The following IL37 variants were observed in gnomAD, a reference collection of about 807,000 sequenced individuals.
IL37 encodes interleukin 37.
In IL37, 15 loss-of-function variants were observed where a neutral mutation model predicts 15.4. The observed-to-expected ratio is 0.98, with a 90% CI of 0.65 to 1.50. IL37 has a LOEUF of 1.50. IL37 is among the 40% of genes most tolerant of loss of function. The pLI, the probability that IL37 is intolerant of heterozygous loss-of-function variation, is 0.00. For synonymous variants in IL37, 98 were observed against 97.4 expected (o/e 1.01, Z -0.03); for missense variants, 269 against 261.7 (o/e 1.03, Z -0.19).
intron 3 of IL37, among the ~76,000 whole-genome samples, chr2:112,914,086 C>A (rs1322950059): frequency 6.6e-6 from 1 of 152,146 alleles, no homozygotes; most frequent in African/African-American, 2.4e-5. Context: ...AGGCACAGGG[C>A]AAGGAAGAGT....
intron 3 of IL37, among the ~76,000 whole-genome samples, chr2:112,916,476 G>A (rs1013479706): frequency 7.2e-5 from 11 of 152,140 alleles, no homozygotes; most frequent in African/African-American, 2.7e-4. Flanking sequence ...GCTAGAAGTT[G>A]TTCCTCCAGG....
chr2:112,915,106 T>G, intron 3 of IL37: 312 of 1,277,358 alleles, frequency 2.4e-4, no homozygotes, highest in Non-Finnish European at 3.2e-4. Flanking sequence ...AGAGTGGCCT[T>G]GAGAAAGATT....
intron 2 of IL37, 142 bp downstream of exon 2, chr2:112,913,236 A>G: frequency 1.9e-6 from 1 of 526,360 alleles, no homozygotes; most frequent in African/African-American, 2.0e-5. Flanking sequence ...ACAAATAACT[A>G]GACAAGAGAA....
chr2:112,917,716 G>A lies in IL37; in HGVS notation c.347G>A (p.Gly116Glu). Residue 116 changes from glycine to glutamate, a missense_variant, in exon 5 of 6, where the codon GGG (glycine) becomes GAG (glutamate). Coordinates refer to ENST00000263326, the MANE Select transcript of IL37 (RefSeq NM_014439.4). ...CCGATTCTCCTGGGGGTCTCTAAAG[G>A]GGAGTTTTGTCTCTACTGTGACAAG... ...GSPILLGVSK[G>E]EFCLYCDKDK... 1 of 1,613,924 alleles carries A rather than the reference G, an allele frequency of 6.2e-7. No individual in the cohort carries two copies. Among genetic ancestry groups the A allele is most frequent in the African/African-American group, 1.3e-5 (1 of 75,028 alleles).
intron 3 of IL37, 40 bp downstream of exon 3, chr2:112,913,894 C>T (rs879384234): frequency 7.3e-6 from 11 of 1,512,780 alleles, no homozygotes; most frequent in Non-Finnish European, 1.0e-5. Flanking sequence ...GGCTGAGGTG[C>T]GAGGGTGGGG....
Position 112,917,777 on chromosome 2 carries a change from G to A in IL37, c.408G>A (p.Lys136=), listed in dbSNP as rs138939950. The A allele has an allele frequency of 3.2e-4, 522 of 1,614,102 alleles. 1 individual carries two copies. In the African/African-American group the frequency reaches 5.9e-3, roughly 18 times the overall value. ...AAAGTCATCCATCCCTTCAGCTGAA[G>A]GTGAGAGTTCTAGCTCAGTTTCCTG... The part of the protein sequence containing the change: ...KGQSHPSLQL[K]KEKLMKLAAQ... The change falls in exon 5 of 6, where the codon AAG becomes AAA. Residue 136 remains lysine (K), a splice_region_variant and synonymous_variant. Transcript: ENST00000263326.
Position 112,917,258 on chromosome 2 carries a change from A to C in IL37, c.265+10A>C, listed in dbSNP as rs139354551. ...AACTACATACGCCCAGGTGACTCTCAGTTTTGGCTGTGTTTTCTGCCTCCA... is the reference window on the plus strand; with the variant it reads ...AACTACATACGCCCAGGTGACTCTCCGTTTTGGCTGTGTTTTCTGCCTCCA... On this transcript the variant is annotated intron_variant, in intron 4 of 5. Transcript: ENST00000263326. 2.0e-3 allele frequency: 3,229 copies of C among 1,613,132 alleles called. 3 individuals carry two copies. The highest frequency in any genetic ancestry group is 2.4e-3 in the Non-Finnish European group (2,845 of 1,179,358).
intron 3 of IL37, among the ~76,000 whole-genome samples, chr2:112,916,844 A>G (rs952739178): frequency 6.6e-6 from 1 of 152,196 alleles, no homozygotes; most frequent in Non-Finnish European, 1.5e-5. Flanking sequence ...ACAGATGAGG[A>G]CATTGAGGTT....
Position 112,913,718 on chromosome 2 carries a change from A to T in IL37, c.83-74A>T, listed in dbSNP as rs1573311306. 3.5e-6 allele frequency: 4 copies of T among 1,159,408 alleles called. No homozygotes were observed. The East Asian group carries it at 9.4e-5, about 27-fold the overall frequency. The allele number at this position is 1,159,408 out of a possible 1,614,324, so 71.8% of individuals were successfully genotyped here. On this transcript the variant is annotated intron_variant, in intron 2 of 5. Coordinates refer to ENST00000263326, the MANE Select transcript of IL37 (RefSeq NM_014439.4). The stretch of plus-strand genomic sequence containing the variant: ...CAGCACATACACAGAAGAGGGAATT[A>T]AATGGTCTTTGATACCCCTAAATCC...
Position 112,917,649 on chromosome 2 carries a change from T to C in IL37, c.280T>C (p.Leu94=). 1 of 1,589,170 alleles carries C rather than the reference T, an allele frequency of 6.3e-7. No individual in the cohort carries two copies. The highest frequency in any genetic ancestry group is 8.6e-7 in the Non-Finnish European group (1 of 1,169,454). ...NYIRPEIFFA[L]ASSLSSASAE... ...TCTTTTTCCAGAGATCTTCTTTGCA[T>C]TAGCCTCATCCTTGAGCTCAGCCTC... Residue 94 remains leucine, a synonymous_variant, in exon 5 of 6, where the codon TTA becomes CTA. Transcript: ENST00000263326.
intron 5 of IL37, 131 bp downstream of exon 5, chr2:112,917,908 G>A: frequency 1.1e-6 from 1 of 944,568 alleles, no homozygotes; most frequent in Non-Finnish European, 1.6e-6. Context: ...CTTTCTGGAA[G>A]CACCAGGCAG....
chr2:112,918,031 C>T (rs1162008904), intron 5 of IL37, among the ~76,000 whole-genome samples: 1 of 152,206 alleles, frequency 6.6e-6, no homozygotes, highest in Non-Finnish European at 1.5e-5. Flanking sequence ...CTCCTGGGCT[C>T]ACTGGTCCTG....
intron 3 of IL37, among the ~76,000 whole-genome samples, chr2:112,914,922 C>T (rs1307035503): frequency 6.6e-6 from 1 of 152,200 alleles, no homozygotes; most frequent in Admixed American, 6.5e-5. Context: ...CTAGGGGCTG[C>T]TTTAACAAGA....
intron 2 of IL37, among the ~76,000 whole-genome samples, 163 bp downstream of exon 2, chr2:112,913,257 G>A (rs3811042): frequency 0.36 from 55,108 of 152,032 alleles, 11,017 homozygotes; most frequent in East Asian, 0.48. Context: ...ATTCTGGAAG[G>A]GAAAAGGAAG....
intron 5 of IL37, among the ~76,000 whole-genome samples, 192 bp downstream of exon 5, chr2:112,917,969 G>A (rs909740937): frequency 1.3e-5 from 2 of 152,226 alleles, no homozygotes; most frequent in African/African-American, 4.8e-5. Flanking sequence ...AGGGAAGGAG[G>A]AGAGACTCCT....
At position 112,918,766 on chromosome 2, in the gene IL37, C is replaced by G. The variant is rs1286793619; in HGVS notation, c.614C>G (p.Pro205Arg). The change falls in exon 6 of 6, where the codon CCA becomes CGA. Residue 205 changes from proline (P) to arginine (R), a missense_variant. Pro to Arg is a moderately radical substitution (Grantham distance 103, BLOSUM62 -2). Transcript: ENST00000263326. ...AAACACATTGAATTTTCATTTCAAC[C>G]AGTTTGCAAAGCTGAAATGAGCCCC... ...NRKHIEFSFQ[P>R]VCKAEMSPSE... The G allele has an allele frequency of 6.2e-7, 1 of 1,613,958 alleles. No homozygotes were observed. Among genetic ancestry groups the G allele is most frequent in the African/African-American group, 1.3e-5 (1 of 74,878 alleles).
chr2:112,913,981 G>A, intron 3 of IL37, 127 bp downstream of exon 3: 1 of 725,756 alleles, frequency 1.4e-6, no homozygotes, highest in South Asian at 1.8e-5. Flanking sequence ...TGCTGGATGG[G>A]GCTGAAGTCT....
At chr2:112,911,549 TTA>T (rs1223078619) in intron 1 of IL37, among the ~76,000 whole-genome samples, 1 of 152,136 alleles carries the variant, frequency 6.6e-6, no homozygotes, top group Non-Finnish European at 1.5e-5. Context: ...AAGACTGACT[TTA>T]GAGTCTAGAA....
At chr2:112,912,812 G>C (rs929295122) in intron 1 of IL37, among the ~76,000 whole-genome samples, 151 bp from the exon 2 acceptor site, 2 of 152,258 alleles carry the variant, frequency 1.3e-5, no homozygotes, top group African/African-American at 2.4e-5. Flanking sequence ...ATAGACAGGA[G>C]AGCATGGTCT....
Sources: gnomAD v4.1 joint callset for allele counts (sites outside exome capture counted in the v4.1 genomes callset) on GRCh38, gnomAD v4.1.1 for gene constraint, MANE v1.5 for transcripts, NCBI Gene and HGNC (gene_info 2026-07-23, HGNC 2026-07-21) for gene names.